CLASRP: variants seen among roughly 807,000 people sequenced by gnomAD.
The protein encoded by CLASRP is CLK4-associating serine/arginine rich protein.
In CLASRP, 52 loss-of-function variants were observed where a neutral mutation model predicts 99.9. The ratio of observed to expected loss-of-function variants is 0.52; its 90% CI spans 0.42 to 0.66. The LOEUF (loss-of-function observed/expected upper bound fraction) is 0.66, where lower values mean the gene tolerates loss of function less well. CLASRP is among the 30% of genes least tolerant of loss of function. CLASRP has a pLI of 0.00. For missense variants in CLASRP, 848 were observed against 999.2 expected (o/e 0.85, Z 2.04); for synonymous variants, 379 against 373.0 (o/e 1.02, Z -0.18).
At chr19:45,040,159 C>T in intron 1 of CLASRP, 25 bp from the exon 2 acceptor site, 2 of 1,391,204 alleles carry the variant, frequency 1.4e-6, no homozygotes. Flanking sequence ...GACCATCTGA[C>T]TTTCCTGGTC....
intron 11 of CLASRP, among the ~76,000 whole-genome samples, chr19:45,062,992 T>TG (rs746941918): frequency 6.6e-6 from 1 of 151,988 alleles, no homozygotes; most frequent in Non-Finnish European, 1.5e-5. Flanking sequence ...CTCTTCGGAA[T>TG]GGGGGTGGGA....
intron 13 of CLASRP, among the ~76,000 whole-genome samples, chr19:45,066,648 A>G (rs1484403325): frequency 6.7e-6 from 1 of 149,746 alleles, no homozygotes; most frequent in Non-Finnish European, 1.5e-5. Context: ...AAAAAAAAAA[A>G]GAGCCCAAGC....
intron 5 of CLASRP, 124 bp downstream of exon 5, chr19:45,053,301 C>T: frequency 1.0e-5 from 9 of 873,154 alleles, no homozygotes; most frequent in Non-Finnish European, 1.6e-5. Flanking sequence ...GGTTCCGGCT[C>T]CAGCTCTACG....
chr19:45,042,386 G>A (rs1971828782), intron 2 of CLASRP, among the ~76,000 whole-genome samples: 1 of 151,948 alleles, frequency 6.6e-6, no homozygotes, highest in Non-Finnish European at 1.5e-5. Context: ...CAGTAATACA[G>A]GAGTAAATGG....
In CLASRP at chr19:45,067,720, G is replaced by A; in HGVS notation, c.1667+126G>A. On this transcript the variant is annotated intron_variant, in intron 14 of 20. Transcript: ENST00000221455. This position sits in a 1 kb window ranked among gnomAD's most constrained non-coding sequence, Gnocchi z 4.9. ...GGTCTGGGGGGTGGTGTATGGCCCTGGCCTGGGAGGGTGGATTTCAGGGGG... is the reference window on the plus strand; with the variant it reads ...GGTCTGGGGGGTGGTGTATGGCCCTAGCCTGGGAGGGTGGATTTCAGGGGG... The A allele has an allele frequency of 2.2e-6, 2 of 904,848 alleles. No homozygotes were observed. Among genetic ancestry groups the A allele is most frequent in the Non-Finnish European group, 3.3e-6 (2 of 609,666 alleles). The allele number at this position is 904,848 out of a possible 1,614,324, so 56.1% of individuals were successfully genotyped here.
chr19:45,050,147 G>A (rs1402981875), intron 2 of CLASRP, among the ~76,000 whole-genome samples: 2 of 147,866 alleles, frequency 1.4e-5, no homozygotes, highest in Admixed American at 1.4e-4. Flanking sequence ...GAGTAGGGGA[G>A]GGAAGAAATC....
At position 45,067,459 on chromosome 19, in the gene CLASRP, G is replaced by T; in HGVS notation, c.1532G>T (p.Ser511Ile). 6.4e-7 allele frequency: 1 copy of T among 1,551,078 alleles called. No individual in the cohort carries two copies. The highest frequency in any genetic ancestry group is 8.7e-7 in the Non-Finnish European group (1 of 1,153,084). ...TCCCGCAGTCGCAGCCTGACTCGCA[G>T]CCGCAGCCATAGCCCCAGCCCCAGC... ...SPSRSRSLTR[S>I]RSHSPSPSQS... The change falls in exon 14 of 21, where the codon AGC becomes ATC. Residue 511 changes from serine (S) to isoleucine (I), a missense_variant. Ser to Ile is a moderately radical substitution (Grantham distance 142). Coordinates refer to ENST00000221455, the MANE Select transcript of CLASRP (RefSeq NM_007056.3). This position sits in a 1 kb window ranked among gnomAD's most constrained non-coding sequence, Gnocchi z 4.9.
intron 5 of CLASRP, among the ~76,000 whole-genome samples, chr19:45,054,543 C>T (rs1222783535): frequency 6.6e-6 from 1 of 152,242 alleles, no homozygotes; most frequent in East Asian, 1.9e-4. Flanking sequence ...GCCACCGCGC[C>T]TGGCCATCAC....
chr19:45,057,198 G>A (rs1383431085), intron 6 of CLASRP, among the ~76,000 whole-genome samples: 2 of 152,176 alleles, frequency 1.3e-5, no homozygotes, highest in East Asian at 3.9e-4. Context: ...CCTGGTGCAC[G>A]GTAGCCTGGA....
At chr19:45,052,705 G>T (rs1972047195) in intron 3 of CLASRP, 86 bp from the exon 4 acceptor site, 3 of 977,712 alleles carry the variant, frequency 3.1e-6, no homozygotes, top group African/African-American at 1.6e-5. Flanking sequence ...AGGCTTCTAA[G>T]CCTCAGCTGG....
intron 5 of CLASRP, among the ~76,000 whole-genome samples, chr19:45,055,620 G>A (rs966246702): frequency 6.6e-6 from 1 of 152,150 alleles, no homozygotes. Context: ...GATCACCTGA[G>A]GTCGGGAGTT....
intron 17 of CLASRP, 37 bp from the exon 18 acceptor site, chr19:45,069,165 T>C: frequency 6.2e-7 from 1 of 1,613,964 alleles, no homozygotes; most frequent in Non-Finnish European, 8.5e-7. Flanking sequence ...GGGTGGGTGC[T>C]GGCCTGGCCA....
intron 6 of CLASRP, 50 bp downstream of exon 6, chr19:45,056,584 A>C: frequency 6.8e-7 from 1 of 1,469,058 alleles, no homozygotes; most frequent in South Asian, 1.1e-5. Flanking sequence ...GAGGGCTGGG[A>C]GCCCCAGCCA....
chr19:45,064,454 C>T lies in CLASRP; in HGVS notation c.1233C>T (p.Ser411=), dbSNP rs768611893. ...RSRRGGGYYR[S]GRHARSRSRS... is the part of the protein sequence containing the mutation. ...GCCGTGGTGGGGGCTACTACCGTTC[C>T]GGCCGCCACGCCCGCTCCCGGTCCC... The change falls in exon 13 of 21, where the codon TCC becomes TCT. Residue 411 remains serine (S), a synonymous_variant. Coordinates refer to ENST00000221455, the MANE Select transcript of CLASRP (RefSeq NM_007056.3). 4.6e-6 allele frequency: 7 copies of T among 1,528,602 alleles called. No homozygotes were observed. The highest frequency in any genetic ancestry group is 2.8e-5 in the African/African-American group (2 of 72,634). The allele number at this position is 1,528,602 out of a possible 1,614,324, so 94.7% of individuals were successfully genotyped here.
In CLASRP at chr19:45,064,587, T is replaced by TCGCC; in HGVS notation, c.1373_1376dup (p.Arg460ProfsTer34). On this transcript the variant is annotated frameshift_variant, in exon 13 of 21. Coordinates refer to ENST00000221455, the MANE Select transcript of CLASRP (RefSeq NM_007056.3). LOFTEE classifies it high-confidence loss of function. ...CCGAGACGGACACCGGTACTCCCGC[T>TCGCC]CGCCCGCCCGGCGTGGTGGTTACGG... 1.3e-6 allele frequency: 2 copies of TCGCC among 1,544,684 alleles called. No individual in the cohort carries two copies. Among genetic ancestry groups the TCGCC allele is most frequent in the Non-Finnish European group, 1.7e-6 (2 of 1,150,348 alleles).
At chr19:45,049,380 G>A (rs1454397974) in intron 2 of CLASRP, among the ~76,000 whole-genome samples, 2 of 152,194 alleles carry the variant, frequency 1.3e-5, no homozygotes, top group African/African-American at 2.4e-5. Flanking sequence ...ATCGAGGGAG[G>A]CAGGCGAGGT....
chr19:45,050,123 G>T (rs1251232969), intron 2 of CLASRP, among the ~76,000 whole-genome samples: 1 of 150,138 alleles, frequency 6.7e-6, no homozygotes, highest in Non-Finnish European at 1.5e-5. Flanking sequence ...GCGAGGGCCT[G>T]TGTGCCTGGA....
At position 45,057,786 on chromosome 19, in the gene CLASRP, C is replaced by T. The variant is rs763151618; in HGVS notation, c.501C>T (p.Tyr167=). 4.3e-6 allele frequency: 7 copies of T among 1,614,004 alleles called. No individual in the cohort carries two copies. Among genetic ancestry groups the T allele is most frequent in the South Asian group, 2.2e-5 (2 of 91,076 alleles). The stretch of plus-strand genomic sequence containing the variant: ...AGAAGGCTTCCATCGGTTATACCTA[C>T]GAGGACAGCACGGTGGCCGAGGTAG... ...AEKKASIGYT[Y]EDSTVAEVEK... is the part of the protein sequence containing the mutation. Residue 167 remains tyrosine, a synonymous_variant, in exon 7 of 21, where the codon TAC becomes TAT. Coordinates refer to ENST00000221455, the MANE Select transcript of CLASRP (RefSeq NM_007056.3).
Position 45,064,561 on chromosome 19 carries a change from C to T in CLASRP, c.1340C>T (p.Ser447Phe), listed in dbSNP as rs1410706185. ...SRGRRHSGGG[S>F]RDGHRYSRSP... ...GGCCGGCGGCACTCAGGTGGGGGCTCCCGAGACGGACACCGGTACTCCCGC... is the reference window on the plus strand; with the variant it reads ...GGCCGGCGGCACTCAGGTGGGGGCTTCCGAGACGGACACCGGTACTCCCGC... Residue 447 changes from serine to phenylalanine, a missense_variant, in exon 13 of 21, where the codon TCC becomes TTC. This residue lies in a region of CLASRP where 489 missense variants were observed against 434.7 expected (regional missense o/e 1.12). Coordinates refer to ENST00000221455, the MANE Select transcript of CLASRP (RefSeq NM_007056.3). The T allele has an allele frequency of 9.1e-6, 14 of 1,539,564 alleles. No individual in the cohort carries two copies. In the Admixed American group the frequency reaches 2.4e-4, roughly 26 times the overall value.
Sources: gnomAD v4.1 joint callset for allele counts (sites outside exome capture counted in the v4.1 genomes callset) on GRCh38, gnomAD v4.1.1 for gene constraint, gnomAD v4.1.1 regional missense constraint, Gnocchi (gnomAD v3.1) non-coding constraint, MANE v1.5 for transcripts, NCBI Gene and HGNC (gene_info 2026-07-23, HGNC 2026-07-21) for gene names.